Variants in AKAP9 observed in about 807,000 individuals in gnomAD.
AKAP9 encodes the protein A-kinase anchor protein 9.
AKAP9 carries 311 observed loss-of-function variants against 488.5 expected under a neutral mutation model. The ratio of observed to expected loss-of-function variants is 0.64; its 90% CI spans 0.58 to 0.70. The LOEUF is 0.70. Among genes scored for constraint, AKAP9 ranks in the 30% least tolerant of loss-of-function variants. AKAP9 has a pLI of 0.00. For missense variants in AKAP9, 4,215 were observed against 4,374.5 expected (o/e 0.96, Z 1.03); for synonymous variants, 1,462 against 1,483.5 (o/e 0.99, Z 0.33).
At position 92,110,429 on chromosome 7, in the gene AKAP9, A is replaced by G; in HGVS notation, c.*270A>G. 1 of 471,418 alleles carries G rather than the reference A, an allele frequency of 2.1e-6. No individual in the cohort carries two copies. Among genetic ancestry groups the G allele is most frequent in the Non-Finnish European group, 3.8e-6 (1 of 261,014 alleles). 29.2% of individuals were successfully genotyped at this position (471,418 alleles called of 1,614,324 possible). A position where few individuals can be genotyped will look rare whatever the true frequency, so the allele number is the denominator to read the frequency against. On this transcript the variant is annotated 3_prime_UTR_variant, in exon 50 of 50. Transcript: ENST00000356239. The stretch of plus-strand genomic sequence containing the variant: ...ATTAAATTATAAACCTTGTGTATTT[A>G]TCAAATGGGTGAAAAGATTAAACTT...
intron 8 of AKAP9, 69 bp from the exon 9 acceptor site, chr7:92,012,360 A>G: frequency 6.9e-7 from 1 of 1,444,976 alleles, no homozygotes; most frequent in Non-Finnish European, 9.5e-7. Context: ...GTATATGCAA[A>G]AAAAAGAAGT....
intron 3 of AKAP9, among the ~76,000 whole-genome samples, chr7:91,983,487 T>C (rs1457183409): frequency 1.3e-5 from 2 of 152,220 alleles, no homozygotes; most frequent in African/African-American, 4.8e-5. Context: ...GTTTTTGCTA[T>C]TGTGAATAGT....
intron 2 of AKAP9, among the ~76,000 whole-genome samples, 188 bp from the exon 3 acceptor site, chr7:91,980,101 T>C (rs1240978461): frequency 6.6e-6 from 1 of 152,200 alleles, no homozygotes; most frequent in Non-Finnish European, 1.5e-5. Context: ...TACATTTTGG[T>C]TGCATTATTT....
chr7:92,012,308 A>AT (rs1193144150), intron 8 of AKAP9, 121 bp from the exon 9 acceptor site: 9 of 881,632 alleles, frequency 1.0e-5, no homozygotes, highest in Non-Finnish European at 1.4e-5. Context: ...TAGAAAAAAA[A>AT]TTAGACTTCA....
chr7:92,084,927 C>A lies in AKAP9; in HGVS notation c.8819C>A (p.Pro2940Gln). The change falls in exon 35 of 50, where the codon CCA becomes CAA. Residue 2940 changes from proline to glutamine, a missense_variant. Pro to Gln is a moderately conservative substitution (Grantham distance 76, BLOSUM62 -1). Coordinates refer to ENST00000356239, the MANE Select transcript of AKAP9 (RefSeq NM_005751.5). ...AGTGAAAGTGCAACAGATTCCTTTCCAAAGAAAATAAAGGTACTAAAAGAT... is the reference window on the plus strand; with the variant it reads ...AGTGAAAGTGCAACAGATTCCTTTCAAAAGAAAATAAAGGTACTAAAAGAT... ...EESESATDSF[P>Q]KKIKGLLRAV... The A allele has an allele frequency of 6.2e-7, 1 of 1,612,782 alleles. No individual in the cohort carries two copies. The highest frequency in any genetic ancestry group is 1.1e-5 in the South Asian group (1 of 90,922).
chr7:92,035,581 A>G (rs942736886), intron 16 of AKAP9, among the ~76,000 whole-genome samples: 5 of 152,156 alleles, frequency 3.3e-5, no homozygotes, highest in South Asian at 2.1e-4. Context: ...TGTGTTTTGT[A>G]TGCTCTGGAT....
rs200888412 is a variant in AKAP9 at position 92,040,934 on chromosome 7, AT to A, written c.4917+45del. Reference sequence around the variant, plus strand: ...TGTAGTCCCCTTTCTCTCCCCAGTTATTTTTTTTTCCAAACACCAACTTGAA... The same window carrying A: ...TGTAGTCCCCTTTCTCTCCCCAGTTATTTTTTTTCCAAACACCAACTTGAA... On this transcript the variant is annotated intron_variant, in intron 18 of 49. Coordinates refer to ENST00000356239, the MANE Select transcript of AKAP9 (RefSeq NM_005751.5). 1.1e-4 allele frequency: 172 copies of A among 1,527,602 alleles called. 1 individual carries two copies. The highest frequency in any genetic ancestry group is 4.2e-4 in the Admixed American group (22 of 52,266). The allele number at this position is 1,527,602 out of a possible 1,614,324, so 94.6% of individuals were successfully genotyped here. A position where few individuals can be genotyped will look rare whatever the true frequency, so the allele number is the denominator to read the frequency against.
chr7:91,991,610 T>C (rs1275196241), intron 3 of AKAP9, among the ~76,000 whole-genome samples: 1 of 152,046 alleles, frequency 6.6e-6, no homozygotes, highest in Non-Finnish European at 1.5e-5. Context: ...TAGCTGGGAC[T>C]ACAGGCACCC....
chr7:92,084,620 T>C lies in AKAP9; in HGVS notation c.8647-20T>C. 2 of 1,588,610 alleles carry C rather than the reference T, an allele frequency of 1.3e-6. No homozygotes were observed. Among genetic ancestry groups the C allele is most frequent in the Non-Finnish European group, 1.7e-6 (2 of 1,159,230 alleles). On this transcript the variant is annotated intron_variant, in intron 33 of 49. Transcript: ENST00000356239. ...TTATTAAAGCAAAAAATATATGTAC[T>C]TTTTGTTTTCTCTAATTAGGGATCC...
chr7:91,956,018 G>A (rs1264099315), intron 1 of AKAP9, among the ~76,000 whole-genome samples: 1 of 152,014 alleles, frequency 6.6e-6, no homozygotes, highest in Non-Finnish European at 1.5e-5. Flanking sequence ...TTTTAGTAGT[G>A]TTTCCTCATC....
chr7:91,960,765 T>G (rs1433159059), intron 1 of AKAP9, among the ~76,000 whole-genome samples: 2 of 152,212 alleles, frequency 1.3e-5, no homozygotes, highest in Admixed American at 1.3e-4. Flanking sequence ...GCATGCATGA[T>G]GGGCAGTCAA....
At chr7:92,052,367 G>A (rs1269441222) in intron 21 of AKAP9, among the ~76,000 whole-genome samples, 1 of 152,120 alleles carries the variant, frequency 6.6e-6, no homozygotes, top group East Asian at 1.9e-4. Flanking sequence ...AGTCGTCAAG[G>A]GTTGGAGCCA....
chr7:92,098,369 C>T (rs1816977910), intron 43 of AKAP9, among the ~76,000 whole-genome samples, 155 bp downstream of exon 43: 2 of 151,924 alleles, frequency 1.3e-5, no homozygotes, highest in African/African-American at 2.4e-5. Context: ...TGCTTGCTTT[C>T]CCCCAAGAGA....
chr7:92,084,375 T>C, intron 33 of AKAP9, among the ~76,000 whole-genome samples: 1 of 152,204 alleles, frequency 6.6e-6, no homozygotes, highest in East Asian at 1.9e-4. Flanking sequence ...TTTAAATCTT[T>C]CCATTGCATA....
At position 92,059,739 on chromosome 7, in the gene AKAP9, A is replaced by G. The variant is rs374434903; in HGVS notation, c.5602-1521A>G. Among the ~76,000 whole-genome samples the G allele has an allele frequency of 2.6e-5, 4 of 151,926 alleles. 1 individual carries two copies. ...GTGTAAAAACAATTGATATGTTTTT[A>G]AAATATGGATTGTGACTGTAAATTC... On this transcript the variant is annotated intron_variant, in intron 22 of 49. Coordinates refer to ENST00000356239, the MANE Select transcript of AKAP9 (RefSeq NM_005751.5).
At chr7:92,032,829 T>C (rs1370692357) in intron 16 of AKAP9, among the ~76,000 whole-genome samples, 1 of 152,198 alleles carries the variant, frequency 6.6e-6, no homozygotes, top group Non-Finnish European at 1.5e-5. Flanking sequence ...CATGTAGCTC[T>C]TACACAAATT....
intron 3 of AKAP9, among the ~76,000 whole-genome samples, chr7:91,981,623 T>TC (rs1796420255): frequency 7.9e-6 from 1 of 127,320 alleles, no homozygotes; most frequent in Non-Finnish European, 1.7e-5. Context: ...TTTTTTTTTT[T>TC]CACCAAGATG....
At chr7:92,103,347 C>T (rs1038484237) in intron 46 of AKAP9, among the ~76,000 whole-genome samples, 2 of 135,114 alleles carry the variant, frequency 1.5e-5, no homozygotes, top group African/African-American at 5.6e-5. Flanking sequence ...CCGAGATCGG[C>T]GCCACTACAC....
chr7:92,077,757 A>C lies in AKAP9; in HGVS notation c.6827A>C (p.Gln2276Pro). The part of the protein sequence containing the change: ...KESDAMSTQD[Q>P]HVLFGKFAQI... ...TCTGATGCCATGTCTACTCAAGACC[A>C]ACATGTGCTATTTGGGAAATTTGCT... The change falls in exon 30 of 50, where the codon CAA becomes CCA. Residue 2276 changes from glutamine to proline, a missense_variant. Around this residue, in one of 5 missense-constraint regions of AKAP9, gnomAD observed 1,476 missense variants for 1,477.4 expected, o/e 1.00. Coordinates refer to ENST00000356239, the MANE Select transcript of AKAP9 (RefSeq NM_005751.5). 1.2e-6 allele frequency: 2 copies of C among 1,613,970 alleles called. No individual in the cohort carries two copies. The highest frequency in any genetic ancestry group is 1.7e-6 in the Non-Finnish European group (2 of 1,179,926).
Sources: allele counts gnomAD v4.1 joint callset (sites outside exome capture counted in the v4.1 genomes callset), GRCh38; gene constraint gnomAD v4.1.1; regional missense constraint gnomAD v4.1.1; transcripts MANE v1.5; gene names NCBI Gene and HGNC (gene_info 2026-07-23, HGNC 2026-07-21).